Variants in C2CD2 observed in about 807,000 individuals in gnomAD.
C2CD2 encodes the protein C2 calcium dependent domain containing 2.
In C2CD2, 43 loss-of-function variants were observed where a neutral mutation model predicts 74.3. That is an observed-to-expected ratio of 0.58 (90% CI 0.45 to 0.75). C2CD2 has a LOEUF of 0.75. Ranked by LOEUF, C2CD2 falls within the 30% of genes least tolerant of loss-of-function variation. The pLI, the probability that C2CD2 is intolerant of heterozygous loss-of-function variation, is 0.00. For synonymous variants in C2CD2, 422 were observed against 390.7 expected (o/e 1.08, Z -0.94); for missense variants, 801 against 916.3 (o/e 0.87, Z 1.63).
chr21:41,939,255 T>G lies in C2CD2; in HGVS notation c.378+2892A>C, dbSNP rs1482092128. On this transcript the variant is annotated intron_variant, in intron 2 of 13. Transcript: ENST00000380486. The surrounding 1 kb of genome is among the most constrained non-coding windows in gnomAD (Gnocchi z 5.5). ...TCTGTCATGTCCATTTCTGAAATTGTATTTATTAAAAGGATTACAATTGAA... is the reference window on the plus strand; with the variant it reads ...TCTGTCATGTCCATTTCTGAAATTGGATTTATTAAAAGGATTACAATTGAA... Among the ~76,000 whole-genome samples, 4 of 152,222 alleles carry G rather than the reference T, an allele frequency of 2.6e-5. No homozygotes were observed. The highest frequency in any genetic ancestry group is 5.9e-5 in the Non-Finnish European group (4 of 68,040).
intron 6 of C2CD2, among the ~76,000 whole-genome samples, chr21:41,912,648 G>A (rs1044823867): frequency 2.0e-5 from 3 of 151,986 alleles, no homozygotes; most frequent in Non-Finnish European, 2.9e-5. Context: ...ACGCCTCCAC[G>A]CTCAGCTAAT....
At chr21:41,907,519 T>C in intron 9 of C2CD2, 141 bp downstream of exon 9, 1 of 889,128 alleles carries the variant, frequency 1.1e-6, no homozygotes, top group Non-Finnish European at 1.7e-6. Context: ...TGGTCCTGCG[T>C]ACGATGAAAC....
Position 41,901,661 on chromosome 21 carries a change from T to G in C2CD2, c.1521A>C (p.Pro507=). 1.2e-6 allele frequency: 2 copies of G among 1,614,200 alleles called. No individual in the cohort carries two copies. The highest frequency in any genetic ancestry group is 1.6e-4 in the Middle Eastern group (1 of 6,062). Residue 507 remains proline (P), a synonymous_variant, in exon 12 of 14, where the codon CCA becomes CCC. Transcript: ENST00000380486. The part of the protein sequence containing the change: ...SESSKLKLKS[P]RKKSTIIISG... The stretch of plus-strand genomic sequence containing the variant: ...ATATGATAATAGTGCTTTTCTTCCG[T>G]GGCGACTTGAGTTTCAGCTTTGAAG...
chr21:41,917,254 A>G (rs1308891160), intron 5 of C2CD2, among the ~76,000 whole-genome samples: 1 of 152,260 alleles, frequency 6.6e-6, no homozygotes, highest in Non-Finnish European at 1.5e-5. Flanking sequence ...ACCTACTGAC[A>G]GCTGGTGACA....
chr21:41,939,114 G>A lies in C2CD2; in HGVS notation c.378+3033C>T, dbSNP rs898137974. Among the ~76,000 whole-genome samples, 1 of 152,030 alleles carries A rather than the reference G, an allele frequency of 6.6e-6. No homozygotes were observed. The highest frequency in any genetic ancestry group is 1.5e-5 in the Non-Finnish European group (1 of 68,012). ...CGAGCCACAGTTTATTGATCTATTC[G>A]CCCATCAGTGGGCCCTTGGGTTCCT... On this transcript the variant is annotated intron_variant, in intron 2 of 13. Transcript: ENST00000380486. This position sits in a 1 kb window ranked among gnomAD's most constrained non-coding sequence, Gnocchi z 5.5.
intron 4 of C2CD2, among the ~76,000 whole-genome samples, chr21:41,918,639 C>T (rs2065119939): frequency 6.6e-6 from 1 of 152,050 alleles, no homozygotes; most frequent in Admixed American, 6.5e-5. Flanking sequence ...AGGTGGGAGC[C>T]CTGCATCCAA....
intron 12 of C2CD2, 30 bp downstream of exon 12, chr21:41,901,592 T>C (rs760381511): frequency 2.5e-6 from 4 of 1,613,356 alleles, no homozygotes; most frequent in Non-Finnish European, 3.4e-6. Flanking sequence ...GATGACCAGA[T>C]GAACACCTCC....
At chr21:41,900,098 C>T (rs985859995) in intron 12 of C2CD2, among the ~76,000 whole-genome samples, 11 of 152,038 alleles carry the variant, frequency 7.2e-5, no homozygotes, top group Non-Finnish European at 1.5e-4. Context: ...ATAATCTCCC[C>T]GTCTCTACTT....
chr21:41,900,409 T>C (rs1284739269), intron 12 of C2CD2, among the ~76,000 whole-genome samples: 4 of 152,276 alleles, frequency 2.6e-5, no homozygotes, highest in Non-Finnish European at 5.9e-5. Context: ...TTAGAGAAAG[T>C]ATAGGGGAGA....
rs188172705 is a variant in C2CD2, at chr21:41,892,325, G to T, written c.1871-2981C>A. ...AGGCTCTCCCACAGGGCCTCAGAAAGGGTGGCCCTGCTAGCACCAGCAGCT... is the reference window on the plus strand; with the variant it reads ...AGGCTCTCCCACAGGGCCTCAGAAATGGTGGCCCTGCTAGCACCAGCAGCT... On this transcript the variant is annotated intron_variant, in intron 13 of 13. Coordinates refer to ENST00000380486, the MANE Select transcript of C2CD2 (RefSeq NM_015500.2). The surrounding 1 kb of genome is among the most constrained non-coding windows in gnomAD (Gnocchi z 4.6). 4.0e-3 allele frequency among the ~76,000 whole-genome samples: 604 copies of T among 152,296 alleles called. 1 individual carries two copies. Among genetic ancestry groups the T allele is most frequent in the Non-Finnish European group, 6.3e-3 (427 of 68,020 alleles).
intron 12 of C2CD2, among the ~76,000 whole-genome samples, chr21:41,900,339 G>C (rs911845875): frequency 6.6e-6 from 1 of 152,230 alleles, no homozygotes; most frequent in Non-Finnish European, 1.5e-5. Context: ...AATCACTGCG[G>C]TGAATTCAGA....
At chr21:41,934,040 A>G (rs1183129137) in intron 2 of C2CD2, among the ~76,000 whole-genome samples, 4 of 152,104 alleles carry the variant, frequency 2.6e-5, no homozygotes. Context: ...CAGGAGATAG[A>G]TGGTTAAAAA....
At chr21:41,944,366 A>C (rs429110) in intron 1 of C2CD2, among the ~76,000 whole-genome samples, 58,511 of 150,726 alleles carry the variant, frequency 0.39, 11,723 homozygotes, top group African/African-American at 0.48. Flanking sequence ...CACACACACA[A>C]AAAAAATTAG....
At chr21:41,893,549 G>T (rs2064782529) in intron 13 of C2CD2, among the ~76,000 whole-genome samples, 1 of 151,438 alleles carries the variant, frequency 6.6e-6, no homozygotes, top group Non-Finnish European at 1.5e-5. Context: ...TACCCTGAGG[G>T]ACTAACTTGT....
intron 1 of C2CD2, chr21:41,943,130 G>A (rs555541850): frequency 3.2e-5 from 5 of 155,500 alleles, no homozygotes; most frequent in African/African-American, 9.6e-5. Context: ...GTGAAACCCT[G>A]CCTCTACCAA....
In C2CD2 at chr21:41,945,286, C is replaced by A. The variant is rs965065009; in HGVS notation, c.280-3041G>T. ...AGAAATACACAGAAATATAGACATG[C>A]GCACACACGTTGGTATACACACGTA... On this transcript the variant is annotated intron_variant, in intron 1 of 13. Transcript: ENST00000380486. The surrounding 1 kb of genome is among the most constrained non-coding windows in gnomAD (Gnocchi z 4.2). Among the ~76,000 whole-genome samples, 1 of 152,120 alleles carries A rather than the reference C, an allele frequency of 6.6e-6. No individual in the cohort carries two copies. Among genetic ancestry groups the A allele is most frequent in the Non-Finnish European group, 1.5e-5 (1 of 68,030 alleles).
intron 7 of C2CD2, chr21:41,912,044 G>T (rs1396790147): frequency 1.0e-5 from 3 of 297,516 alleles, no homozygotes; most frequent in Non-Finnish European, 6.2e-6. Context: ...TCAGTCAGAG[G>T]CTCCCTCCCT....
chr21:41,904,661 A>T (rs759878726), intron 11 of C2CD2, among the ~76,000 whole-genome samples: 1 of 152,152 alleles, frequency 6.6e-6, no homozygotes, highest in African/African-American at 2.4e-5. Flanking sequence ...CAAGAGGAGG[A>T]GGCAGTTATG....
chr21:41,946,377 G>A (rs369382582), intron 1 of C2CD2, among the ~76,000 whole-genome samples: 3 of 152,144 alleles, frequency 2.0e-5, no homozygotes, highest in Non-Finnish European at 4.4e-5. Context: ...ATCACGGTGC[G>A]GGGAGTTCTC....
Sources: gnomAD v4.1 joint callset for allele counts (sites outside exome capture counted in the v4.1 genomes callset) on GRCh38, gnomAD v4.1.1 for gene constraint, Gnocchi (gnomAD v3.1) non-coding constraint, MANE v1.5 for transcripts, NCBI Gene and HGNC (gene_info 2026-07-23, HGNC 2026-07-21) for gene names.